CTNNA2: variants seen among roughly 807,000 people sequenced by gnomAD.
CTNNA2 encodes the protein catenin alpha 2.
A neutral mutation model predicts 101.0 loss-of-function variants in CTNNA2; 42 were observed. The observed-to-expected ratio is 0.42, with a 90% CI of 0.32 to 0.54. The LOEUF (loss-of-function observed/expected upper bound fraction) is 0.54. CTNNA2 is among the 20% of genes least tolerant of loss of function. The probability of loss-of-function intolerance (pLI) is 0.14; values close to 1 mark genes in which losing one functional copy is unlikely to be tolerated. For synonymous variants in CTNNA2, 450 were observed against 456.4 expected (o/e 0.99, Z 0.18); for missense variants, 871 against 1,223.1 (o/e 0.71, Z 4.29).
chr2:79,470,636 G>A (rs560309193), intron 4 of CTNNA2, among the ~76,000 whole-genome samples: 2 of 152,106 alleles, frequency 1.3e-5, no homozygotes, highest in Non-Finnish European at 2.9e-5. Flanking sequence ...TTGACATGCT[G>A]GATGTTTTGT....
chr2:79,787,980 A>T (rs1031998556), intron 3 of CTNNA2, among the ~76,000 whole-genome samples: 4 of 152,130 alleles, frequency 2.6e-5, no homozygotes, highest in African/African-American at 9.7e-5. Flanking sequence ...TGACTATCAC[A>T]ATCCCTACTA....
chr2:79,767,607 T>C (rs563404459), intron 3 of CTNNA2, among the ~76,000 whole-genome samples: 1 of 152,130 alleles, frequency 6.6e-6, no homozygotes, highest in Non-Finnish European at 1.5e-5. Context: ...GTAGAGGTAC[T>C]GCCTCGATGA....
intron 7 of CTNNA2, among the ~76,000 whole-genome samples, chr2:80,138,043 A>C (rs1187250837): frequency 6.6e-6 from 1 of 152,176 alleles, no homozygotes; most frequent in Non-Finnish European, 1.5e-5. Context: ...GTGGAAAATA[A>C]AGAAAAATTG....
intron 7 of CTNNA2, among the ~76,000 whole-genome samples, chr2:80,388,258 C>G (rs990466755): frequency 1.3e-5 from 2 of 152,126 alleles, no homozygotes; most frequent in Non-Finnish European, 2.9e-5. Flanking sequence ...CTTCATCTCT[C>G]TAGACCTTGC....
At chr2:79,723,874 C>T (rs908703426) in intron 2 of CTNNA2, among the ~76,000 whole-genome samples, 2 of 152,184 alleles carry the variant, frequency 1.3e-5, no homozygotes, top group African/African-American at 4.8e-5. Context: ...GCCTGAAGGC[C>T]AGTTGCATTC....
chr2:79,537,812 A>G (rs1673164470), intron 1 of CTNNA2, among the ~76,000 whole-genome samples: 1 of 150,242 alleles, frequency 6.7e-6, no homozygotes, highest in African/African-American at 2.5e-5. Flanking sequence ...TTTTTTTTCA[A>G]GAGAAAGTTA....
At chr2:80,605,745 T>G (rs1334200159) in intron 16 of CTNNA2, 1 of 151,932 alleles carries the variant, frequency 6.6e-6, no homozygotes, top group East Asian at 1.9e-4. Context: ...GTCAACGAAT[T>G]CTCATTTTAA....
At chr2:79,343,312 T>C (rs1677181372) in intron 3 of CTNNA2, among the ~76,000 whole-genome samples, 1 of 152,176 alleles carries the variant, frequency 6.6e-6, no homozygotes, top group Non-Finnish European at 1.5e-5. Context: ...ATAGGATATT[T>C]ATCCCACAAA....
chr2:79,468,851 AC>A, intron 4 of CTNNA2, among the ~76,000 whole-genome samples: 1 of 152,332 alleles, frequency 6.6e-6, no homozygotes, highest in East Asian at 1.9e-4. Context: ...GACACAACAT[AC>A]CAGAATCTCT....
At chr2:79,628,563 G>C (rs992793832) in intron 1 of CTNNA2, among the ~76,000 whole-genome samples, 1 of 152,030 alleles carries the variant, frequency 6.6e-6, no homozygotes, top group Non-Finnish European at 1.5e-5. Flanking sequence ...TGCTTTTAAA[G>C]AATTAATAAC....
intron 7 of CTNNA2, among the ~76,000 whole-genome samples, chr2:80,274,343 A>G (rs1210781607): frequency 6.6e-6 from 1 of 152,144 alleles, no homozygotes; most frequent in Non-Finnish European, 1.5e-5. Flanking sequence ...TGAAAGTAAT[A>G]CTCCGTATAG....
At chr2:79,347,636 C>A (rs1677290836) in intron 3 of CTNNA2, among the ~76,000 whole-genome samples, 1 of 152,022 alleles carries the variant, frequency 6.6e-6, no homozygotes, top group Non-Finnish European at 1.5e-5. Flanking sequence ...CCTTTGTACA[C>A]CAACCATTAC....
At chr2:79,868,832 C>G (rs1237700013) in intron 4 of CTNNA2, among the ~76,000 whole-genome samples, 1 of 152,206 alleles carries the variant, frequency 6.6e-6, no homozygotes, top group Non-Finnish European at 1.5e-5. Context: ...AAAAACATGT[C>G]TGTCTTGTGC....
chr2:79,202,061 T>C (rs1027304265), intron 2 of CTNNA2, among the ~76,000 whole-genome samples: 1 of 152,200 alleles, frequency 6.6e-6, no homozygotes, highest in Non-Finnish European at 1.5e-5. Context: ...TTTTGAGTCC[T>C]TGATCAGCCT....
intron 2 of CTNNA2, among the ~76,000 whole-genome samples, chr2:79,307,511 T>C (rs541532341): frequency 6.6e-6 from 1 of 152,348 alleles, no homozygotes; most frequent in South Asian, 2.1e-4. Context: ...TCACATAACA[T>C]AATGTCCTCC....
At chr2:79,533,534 A>G (rs745557368) in intron 1 of CTNNA2, among the ~76,000 whole-genome samples, 6 of 152,178 alleles carry the variant, frequency 3.9e-5, no homozygotes, top group African/African-American at 1.2e-4. Context: ...GTTGTATTTT[A>G]TCAACTAACT....
intron 3 of CTNNA2, among the ~76,000 whole-genome samples, chr2:79,347,759 T>G (rs1214714099): frequency 6.6e-6 from 1 of 151,310 alleles, no homozygotes; most frequent in East Asian, 1.9e-4. Flanking sequence ...ATAATTTTGT[T>G]ACTCTTTTTC....
intron 7 of CTNNA2, among the ~76,000 whole-genome samples, chr2:80,385,422 A>T (rs1317415477): frequency 1.3e-5 from 2 of 152,188 alleles, no homozygotes; most frequent in Non-Finnish European, 2.9e-5. Flanking sequence ...GTGGACCCTC[A>T]CCAGACACAG....
intron 7 of CTNNA2, among the ~76,000 whole-genome samples, chr2:80,362,172 G>T (rs1180803994): frequency 6.6e-6 from 1 of 152,118 alleles, no homozygotes; most frequent in African/African-American, 2.4e-5. Context: ...CACAGAACTG[G>T]TTGATAAGGA....
Sources: gnomAD v4.1 joint callset for allele counts (sites outside exome capture counted in the v4.1 genomes callset) on GRCh38, gnomAD v4.1.1 for gene constraint, MANE v1.5 for transcripts, NCBI Gene and HGNC (gene_info 2026-07-23, HGNC 2026-07-21) for gene names.